The following GSE1 variants were observed in gnomAD, a reference collection of about 807,000 sequenced individuals.
GSE1 encodes Gse1 coiled-coil protein.
Under a neutral mutation model 112.6 loss-of-function variants are expected in GSE1, and 32 were observed. That is an observed-to-expected ratio of 0.28 (90% CI 0.21 to 0.38). The LOEUF is 0.38. Ranked by LOEUF, GSE1 falls within the 10% of genes least tolerant of loss-of-function variation. GSE1 has a pLI of 1.00. For missense variants in GSE1, 2,348 were observed against 1,699.2 expected (o/e 1.38, Z -6.71); for synonymous variants, 1,115 against 735.6 (o/e 1.52, Z -8.35).
At chr16:85,287,118 G>T (rs941087877) in intron 1 of GSE1, among the ~76,000 whole-genome samples, 1 of 152,256 alleles carries the variant, frequency 6.6e-6, no homozygotes, top group Non-Finnish European at 1.5e-5. Context: ...GTGTTCTGCG[G>T]TGTCACTGAG....
intron 1 of GSE1, among the ~76,000 whole-genome samples, chr16:85,254,882 G>C (rs1906896781): frequency 6.6e-6 from 1 of 152,248 alleles, no homozygotes; most frequent in Non-Finnish European, 1.5e-5. Flanking sequence ...TGTGTGCCCA[G>C]GTCCCAGTGC....
chr16:85,648,474 G>A (rs1345294886), intron 2 of GSE1, 78 bp from the exon 3 acceptor site: 4 of 722,666 alleles, frequency 5.5e-6, no homozygotes, highest in Non-Finnish European at 9.1e-6. Flanking sequence ...GGGGGCAGCT[G>A]GAGCCCAGGT....
At chr16:85,288,834 C>G (rs945147782) in intron 1 of GSE1, among the ~76,000 whole-genome samples, 1 of 152,106 alleles carries the variant, frequency 6.6e-6, no homozygotes, top group Non-Finnish European at 1.5e-5. Flanking sequence ...CAGGAGGCAC[C>G]CACCCTGAGA....
intron 14 of GSE1, among the ~76,000 whole-genome samples, chr16:85,670,267 CT>C (rs1379183143): frequency 6.6e-6 from 1 of 152,146 alleles, no homozygotes; most frequent in Non-Finnish European, 1.5e-5. Context: ...GTCTGATTGT[CT>C]TGTCACTCCA....
intron 2 of GSE1, among the ~76,000 whole-genome samples, chr16:85,542,119 G>T (rs1327748758): frequency 6.6e-6 from 1 of 152,142 alleles, no homozygotes; most frequent in African/African-American, 2.4e-5. Flanking sequence ...TGGGTTGGAG[G>T]AGGGGGAGCC....
At chr16:85,335,405 T>C (rs527345060) in intron 1 of GSE1, among the ~76,000 whole-genome samples, 2 of 152,352 alleles carry the variant, frequency 1.3e-5, no homozygotes. Flanking sequence ...GCAAGACCTT[T>C]GATCCAGCAG....
intron 1 of GSE1, among the ~76,000 whole-genome samples, chr16:85,178,711 A>T (rs1433058944): frequency 1.3e-5 from 2 of 151,912 alleles, no homozygotes; most frequent in Non-Finnish European, 2.9e-5. Flanking sequence ...TGTTCTAGAC[A>T]CCAGGACCCA....
In GSE1 at chr16:85,246,255, C is replaced by G. The variant is rs551929131; in HGVS notation, c.2283+74448C>G. Among the ~76,000 whole-genome samples the G allele has an allele frequency of 1.2e-3, 129 of 111,182 alleles. 1 individual carries two copies. Among genetic ancestry groups the G allele is most frequent in the Non-Finnish European group, 2.1e-3 (108 of 51,642 alleles). 72.9% of individuals were successfully genotyped at this position (111,182 alleles called of 152,430 possible). A position where few individuals can be genotyped will look rare whatever the true frequency, so the allele number is the denominator to read the frequency against. On this transcript the variant is annotated intron_variant, in intron 1 of 2. Coordinates refer to the GSE1 transcript ENST00000637419. The stretch of plus-strand genomic sequence containing the variant: ...CACACACACGCACACCACACGCTGT[C>G]TACACACACACACACACACCCCACA...
At chr16:85,421,864 T>G (rs1433229853) in intron 2 of GSE1, among the ~76,000 whole-genome samples, 1 of 152,074 alleles carries the variant, frequency 6.6e-6, no homozygotes, top group Non-Finnish European at 1.5e-5. Flanking sequence ...AGGGGCCGAC[T>G]TCAGGGCCTT....
intron 1 of GSE1, among the ~76,000 whole-genome samples, chr16:85,564,907 T>C (rs958005954): frequency 1.3e-5 from 2 of 152,238 alleles, no homozygotes; most frequent in East Asian, 1.9e-4. Context: ...GACGGGCCCC[T>C]TCACAGCTTC....
intron 2 of GSE1, among the ~76,000 whole-genome samples, chr16:85,428,886 C>G (rs2049053238): frequency 6.6e-6 from 1 of 152,186 alleles, no homozygotes; most frequent in Non-Finnish European, 1.5e-5. Context: ...GACCAGTAAA[C>G]TGTCTTTGTC....
intron 1 of GSE1, among the ~76,000 whole-genome samples, chr16:85,197,053 CAGACG>C (rs2074940825): frequency 6.6e-6 from 1 of 152,134 alleles, no homozygotes; most frequent in Non-Finnish European, 1.5e-5. Flanking sequence ...CCTGTGGGGT[CAGACG>C]AGGGGTTGGA....
chr16:85,614,024 C>T (rs1314949713), intron 1 of GSE1, among the ~76,000 whole-genome samples: 1 of 151,754 alleles, frequency 6.6e-6, no homozygotes, highest in Non-Finnish European at 1.5e-5. Flanking sequence ...AGGGCGCGCC[C>T]CGGGCTCGGC....
chr16:85,183,346 G>T (rs562970763), intron 1 of GSE1, among the ~76,000 whole-genome samples: 4 of 152,358 alleles, frequency 2.6e-5, no homozygotes, highest in South Asian at 4.1e-4. Context: ...GGCCGTAGGG[G>T]TGTCCGTCTT....
At chr16:85,339,402 C>T (rs1255833894) in intron 1 of GSE1, among the ~76,000 whole-genome samples, 2 of 152,116 alleles carry the variant, frequency 1.3e-5, no homozygotes, top group Non-Finnish European at 2.9e-5. Context: ...GCTGACGAGG[C>T]CCTGGCACGA....
intron 2 of GSE1, among the ~76,000 whole-genome samples, chr16:85,539,186 A>G (rs1407169672): frequency 1.3e-5 from 2 of 152,220 alleles, no homozygotes; most frequent in Non-Finnish European, 2.9e-5. Context: ...TCCCAGCTGG[A>G]CAGAGCCGTT....
intron 2 of GSE1, among the ~76,000 whole-genome samples, chr16:85,468,372 G>A (rs1431399237): frequency 1.4e-5 from 2 of 146,828 alleles, no homozygotes; most frequent in African/African-American, 5.1e-5. Flanking sequence ...GCTGGAGTGC[G>A]GTGACGCGAC....
intron 5 of GSE1, among the ~76,000 whole-genome samples, chr16:85,655,514 G>A (rs867842729): frequency 7.6e-4 from 116 of 152,326 alleles, no homozygotes; most frequent in African/African-American, 2.7e-3. Flanking sequence ...GGTGGCAGGC[G>A]GCGCCCTGGA....
intron 2 of GSE1, among the ~76,000 whole-genome samples, chr16:85,640,779 C>T (rs569715926): frequency 2.6e-5 from 4 of 152,390 alleles, no homozygotes; most frequent in East Asian, 1.9e-4. Context: ...CTGGCAGGCG[C>T]GCCTCGCGTG....
Sources: allele counts gnomAD v4.1 joint callset (sites outside exome capture counted in the v4.1 genomes callset), GRCh38; gene constraint gnomAD v4.1.1; transcripts MANE v1.5; gene names NCBI Gene and HGNC (gene_info 2026-07-23, HGNC 2026-07-21).